Variants in VBP1 observed in about 807,000 individuals in gnomAD.
The protein encoded by VBP1 is VHL binding protein 1.
A neutral mutation model predicts 15.5 loss-of-function variants in VBP1; 4 were observed. The ratio of observed to expected loss-of-function variants is 0.26; its 90% CI spans 0.13 to 0.59. VBP1 has a LOEUF of 0.59. VBP1 is among the 20% of genes least tolerant of loss of function. The probability of loss-of-function intolerance (pLI) is 0.90; values close to 1 mark genes in which losing one functional copy is unlikely to be tolerated. For missense variants in VBP1, 108 were observed against 139.6 expected (o/e 0.77, Z 1.14); for synonymous variants, 61 against 52.1 (o/e 1.17, Z -0.74).
At chrX:155,235,116 A>ATGTGTGTG (rs112094871) in intron 4 of VBP1, among the ~76,000 whole-genome samples, 2 of 97,412 alleles carry the variant, frequency 2.1e-5, no homozygotes, top group African/African-American at 3.8e-5. Flanking sequence ...GTGTGTGTGT[A>ATGTGTGTG]TGTGTGTGTG....
Position 155,236,346 on chromosome X carries a change from C to A in VBP1, c.502C>A (p.Gln168Lys), listed in dbSNP as rs2074772997. 8.3e-7 allele frequency: 1 copy of A among 1,206,620 alleles called. No homozygotes were observed. The highest frequency in any genetic ancestry group is 1.8e-5 in the African/African-American group (1 of 57,015). ...LEEDLDFLRD[Q>K]FTTTEVNMAR... ...GGAAGACCTTGACTTTCTTCGAGAT[C>A]AATTTACTACCACAGAAGTCAGTAT... is the stretch of plus-strand genomic sequence containing the variant. Residue 168 changes from glutamine to lysine, a missense_variant, in exon 5 of 6, where the codon CAA becomes AAA. Gln to Lys is a moderately conservative substitution (Grantham distance 53). Coordinates refer to ENST00000286428, the MANE Select transcript of VBP1 (RefSeq NM_003372.7).
intron 1 of VBP1, among the ~76,000 whole-genome samples, chrX:155,219,708 T>C (rs1333139924): frequency 1.8e-5 from 2 of 111,730 alleles, no homozygotes; most frequent in African/African-American, 6.5e-5. Context: ...GTCATTCTTC[T>C]TTTCCTATTT....
intron 4 of VBP1, among the ~76,000 whole-genome samples, chrX:155,228,793 A>C (rs2124088362): frequency 8.9e-6 from 1 of 111,991 alleles, no homozygotes; most frequent in African/African-American, 3.2e-5. Flanking sequence ...TCTTAAATAT[A>C]ATGGAGGAAG....
chrX:155,204,411 C>T (rs1557307886), intron 1 of VBP1, among the ~76,000 whole-genome samples: 1 of 111,446 alleles, frequency 9.0e-6, no homozygotes, highest in Non-Finnish European at 1.9e-5. Flanking sequence ...CCTTGGCCTC[C>T]GAAAGTGCTA....
chrX:155,208,901 C>T (rs919237708), exon 2 of VBP1: 2 of 1,151,821 alleles, frequency 1.7e-6, no homozygotes, highest in East Asian at 3.3e-5. Context: ...AGCTCCTTCT[C>T]TAATGGCACC....
At chrX:155,213,634 C>T (rs939321564), upstream of VBP1, 2 of 112,489 alleles carry the variant, frequency 1.8e-5, no homozygotes, top group African/African-American at 6.5e-5. Context: ...AGTCATTAAA[C>T]TCTGGCTTCC....
At chrX:155,235,752 A>G (rs1166508914) in intron 4 of VBP1, among the ~76,000 whole-genome samples, 1 of 112,281 alleles carries the variant, frequency 8.9e-6, no homozygotes, top group African/African-American at 3.2e-5. Flanking sequence ...ATTGATACAA[A>G]CAACACTATT....
chrX:155,234,160 G>T (rs6642261), intron 4 of VBP1, among the ~76,000 whole-genome samples: 1 of 77,695 alleles, frequency 1.3e-5, no homozygotes, highest in African/African-American at 5.2e-5. Context: ...TTGTTCTGTC[G>T]CCCGGGCTGG....
chrX:155,215,979 C>G (rs2074660957), upstream of VBP1, among the ~76,000 whole-genome samples: 1 of 111,501 alleles, frequency 9.0e-6, no homozygotes, highest in Non-Finnish European at 1.9e-5. Flanking sequence ...CTGAAACAGA[C>G]ACAAAGTAAG....
At chrX:155,202,038 G>C (rs782560039) in intron 1 of VBP1, among the ~76,000 whole-genome samples, 24 of 111,145 alleles carry the variant, frequency 2.2e-4, no homozygotes, top group Non-Finnish European at 4.0e-4. Flanking sequence ...AAATACCTAG[G>C]AATCCAACTT....
chrX:155,220,092 T>G, intron 1 of VBP1, 91 bp from the exon 2 acceptor site: 1 of 924,325 alleles, frequency 1.1e-6, no homozygotes, highest in East Asian at 3.5e-5. Flanking sequence ...AACAAAGCTT[T>G]TTTTTCTTCT....
At chrX:155,225,187 G>A (rs2074713502) in intron 2 of VBP1, among the ~76,000 whole-genome samples, 1 of 111,335 alleles carries the variant, frequency 9.0e-6, no homozygotes, top group Non-Finnish European at 1.9e-5. Context: ...AGGGATATCA[G>A]CTACTTTGGC....
At chrX:155,236,390 G>A (rs782392265) in intron 5 of VBP1, 23 bp downstream of exon 5, 12 of 1,183,871 alleles carry the variant, frequency 1.0e-5, no homozygotes, top group Admixed American at 1.0e-4. Context: ...AAAACAAAAA[G>A]CAAGGGAAAA....
At chrX:155,204,849 T>C (rs2124042677) in intron 1 of VBP1, among the ~76,000 whole-genome samples, 1 of 112,386 alleles carries the variant, frequency 8.9e-6, no homozygotes, top group South Asian at 3.7e-4. Flanking sequence ...TCTCCCCTTC[T>C]GAAGGATTTT....
At chrX:155,201,933 T>C (rs1394739564) in intron 1 of VBP1, among the ~76,000 whole-genome samples, 1 of 111,756 alleles carries the variant, frequency 8.9e-6, no homozygotes, top group Non-Finnish European at 1.9e-5. Flanking sequence ...AAAATCAATG[T>C]GCAAAAATCA....
At chrX:155,222,547 C>G (rs1350719333) in intron 2 of VBP1, among the ~76,000 whole-genome samples, 1 of 111,270 alleles carries the variant, frequency 9.0e-6, no homozygotes, top group African/African-American at 3.3e-5. Context: ...ATTTGCGTAT[C>G]AAACTTAAAT....
chrX:155,228,457 C>G lies in VBP1; in HGVS notation c.359C>G (p.Thr120Ser). The part of the protein sequence containing the change: ...NLYCKASVPP[T>S]DKVCLWLGAN... ...TATTGCAAAGCTTCAGTTCCTCCTA[C>G]CGATAAAGTGTGTCTGTGGTTGGGG... The change falls in exon 4 of 6, where the codon ACC becomes AGC. Residue 120 changes from threonine (T) to serine (S), a missense_variant. Physicochemically the swap from Thr to Ser is moderately conservative, Grantham distance 58. Transcript: ENST00000286428. The G allele has an allele frequency of 8.3e-7, 1 of 1,207,149 alleles. No individual in the cohort carries two copies. The highest frequency in any genetic ancestry group is 1.1e-6 in the Non-Finnish European group (1 of 892,526).
At chrX:155,218,967 T>TA (rs2074677013) in intron 1 of VBP1, among the ~76,000 whole-genome samples, 2 of 111,940 alleles carry the variant, frequency 1.8e-5, no homozygotes, top group Admixed American at 9.4e-5. Context: ...GCCAGAAACT[T>TA]ACACTTCTTT....
At chrX:155,203,377 T>G (rs1435507000) in intron 1 of VBP1, among the ~76,000 whole-genome samples, 1 of 110,679 alleles carries the variant, frequency 9.0e-6, no homozygotes, top group Non-Finnish European at 1.9e-5. Context: ...CCAACAATGA[T>G]AGACTGGATT....
Sources: gnomAD v4.1 joint callset for allele counts (sites outside exome capture counted in the v4.1 genomes callset) on GRCh38, gnomAD v4.1.1 for gene constraint, MANE v1.5 for transcripts, NCBI Gene and HGNC (gene_info 2026-07-23, HGNC 2026-07-21) for gene names.